Variants in DHX15 observed in about 807,000 individuals in gnomAD.
DHX15 encodes the protein ATP-dependent RNA helicase DHX15.
A neutral mutation model predicts 94.4 loss-of-function variants in DHX15; 11 were observed. That is an observed-to-expected ratio of 0.12 (90% CI 0.07 to 0.19). DHX15 has a LOEUF of 0.19. Ranked by LOEUF, DHX15 falls within the 10% of genes least tolerant of loss-of-function variation. DHX15 has a pLI of 1.00. For synonymous variants in DHX15, 338 were observed against 329.9 expected (o/e 1.02, Z -0.27); for missense variants, 304 against 988.5 (o/e 0.31, Z 9.29).
chr4:24,584,211 GAAAC>G, intron 1 of DHX15, 108 bp downstream of exon 1: 1 of 1,165,854 alleles, frequency 8.6e-7, no homozygotes. Context: ...AGCCCAGAGA[GAAAC>G]AAAGGCTCGG....
At chr4:24,560,012 C>G (rs1394539850) in intron 3 of DHX15, among the ~76,000 whole-genome samples, 1 of 152,046 alleles carries the variant, frequency 6.6e-6, no homozygotes, top group East Asian at 1.9e-4. Flanking sequence ...ATAAAATATA[C>G]CAAAAACCCC....
chr4:24,570,886 C>T (rs761695185), intron 2 of DHX15, 39 bp from the exon 3 acceptor site: 1 of 1,592,920 alleles, frequency 6.3e-7, no homozygotes, highest in Non-Finnish European at 8.6e-7. Context: ...TTCTATTCTG[C>T]CTGCATATCA....
At chr4:24,540,713 A>C in intron 9 of DHX15, 127 bp downstream of exon 9, 1 of 545,526 alleles carries the variant, frequency 1.8e-6, no homozygotes, top group East Asian at 3.1e-5. Context: ...GTAAGACTTA[A>C]TCTTGATGCA....
intron 1 of DHX15, among the ~76,000 whole-genome samples, chr4:24,583,508 T>G (rs1722517792): frequency 2.0e-5 from 3 of 150,560 alleles, no homozygotes. Context: ...TCCCTCCCCA[T>G]GGGACGATGT....
intron 3 of DHX15, among the ~76,000 whole-genome samples, chr4:24,568,702 A>G (rs1174243701): frequency 6.6e-6 from 1 of 152,224 alleles, no homozygotes; most frequent in African/African-American, 2.4e-5. Flanking sequence ...AAAAAATTCA[A>G]TGCAATGTGA....
chr4:24,544,764 A>G (rs954633805), intron 6 of DHX15, among the ~76,000 whole-genome samples: 4 of 152,214 alleles, frequency 2.6e-5, no homozygotes, highest in Non-Finnish European at 2.9e-5. Context: ...CTTAGTCTAC[A>G]TAACACAGGG....
At chr4:24,531,859 T>C (rs1721091685) in intron 12 of DHX15, among the ~76,000 whole-genome samples, 1 of 152,232 alleles carries the variant, frequency 6.6e-6, no homozygotes, top group Admixed American at 6.5e-5. Flanking sequence ...GCCTATTATA[T>C]AATAAGATGC....
chr4:24,544,211 CTT>C (rs1721376524), intron 6 of DHX15, among the ~76,000 whole-genome samples: 1 of 151,942 alleles, frequency 6.6e-6, no homozygotes. Context: ...TTTAAAAACA[CTT>C]AATTTTATAA....
At chr4:24,536,045 T>C (rs915568103) in intron 11 of DHX15, among the ~76,000 whole-genome samples, 1 of 151,984 alleles carries the variant, frequency 6.6e-6, no homozygotes, top group Non-Finnish European at 1.5e-5. Context: ...AATTTCTGTA[T>C]TTTTTTTCTC....
At chr4:24,561,908 A>T (rs1721880076) in intron 3 of DHX15, among the ~76,000 whole-genome samples, 1 of 152,126 alleles carries the variant, frequency 6.6e-6, no homozygotes, top group Non-Finnish European at 1.5e-5. Context: ...AAGCAGGTCA[A>T]TCACTTGAGG....
chr4:24,539,845 C>T, intron 10 of DHX15: 1 of 264,294 alleles, frequency 3.8e-6, no homozygotes, highest in Middle Eastern at 1.1e-3. Flanking sequence ...TCAGTTACAA[C>T]TGTGCTCAAA....
chr4:24,563,848 G>C (rs915410665), intron 3 of DHX15, among the ~76,000 whole-genome samples: 1 of 152,022 alleles, frequency 6.6e-6, no homozygotes, highest in Non-Finnish European at 1.5e-5. Flanking sequence ...GGTGGATCAC[G>C]AGGTCAGGAG....
In DHX15 at chr4:24,527,872, C is replaced by G; in HGVS notation, c.*52G>C. The G allele has an allele frequency of 7.4e-7, 1 of 1,346,726 alleles. No individual in the cohort carries two copies. Among genetic ancestry groups the G allele is most frequent in the Admixed American group, 1.7e-5 (1 of 58,948 alleles). 83.4% of individuals were successfully genotyped at this position (1,346,726 alleles called of 1,614,324 possible). A position where few individuals can be genotyped will look rare whatever the true frequency, so the allele number is the denominator to read the frequency against. ...AGAGCACAACTCGAACTTTTGAGTT[C>G]ATTCATCTTTTAAAGCTGTCCTCTC... is the stretch of plus-strand genomic sequence containing the variant. On this transcript the variant is annotated 3_prime_UTR_variant, in exon 14 of 14. Transcript: ENST00000336812.
chr4:24,574,416 T>TA (rs1323596553), intron 2 of DHX15, among the ~76,000 whole-genome samples: 5 of 152,074 alleles, frequency 3.3e-5, no homozygotes, highest in African/African-American at 9.7e-5. Context: ...CAATCCTCAG[T>TA]ATCCAAGTAT....
At chr4:24,541,002 C>A in intron 8 of DHX15, 54 bp from the exon 9 acceptor site, 9 of 1,170,938 alleles carry the variant, frequency 7.7e-6, no homozygotes, top group South Asian at 1.4e-5. Context: ...TCAGTCTCCT[C>A]GTTCCAGAAA....
intron 2 of DHX15, among the ~76,000 whole-genome samples, chr4:24,575,313 A>AT (rs2109011129): frequency 6.6e-6 from 1 of 152,306 alleles, no homozygotes; most frequent in African/African-American, 2.4e-5. Context: ...CAATCTCTGC[A>AT]TGGTAAGACA....
intron 3 of DHX15, among the ~76,000 whole-genome samples, chr4:24,566,263 TGGACTCAA>T (rs1721990298): frequency 5.3e-5 from 8 of 152,070 alleles, no homozygotes; most frequent in Non-Finnish European, 7.4e-5. Flanking sequence ...TTACCCACCC[TGGACTCAA>T]GTGATCCTCC....
intron 9 of DHX15, 116 bp downstream of exon 9, chr4:24,540,724 T>C (rs1220025988): frequency 8.6e-6 from 5 of 582,486 alleles, no homozygotes; most frequent in Admixed American, 6.9e-5. Context: ...TCTTGATGCA[T>C]ACTGGATGGA....
chr4:24,552,989 G>A (rs1024787505), intron 5 of DHX15, among the ~76,000 whole-genome samples: 1 of 152,176 alleles, frequency 6.6e-6, no homozygotes, highest in African/African-American at 2.4e-5. Context: ...ATACGCTTAT[G>A]TTATCTGAGA....
Sources: allele counts gnomAD v4.1 joint callset (sites outside exome capture counted in the v4.1 genomes callset), GRCh38; gene constraint gnomAD v4.1.1; transcripts MANE v1.5; gene names NCBI Gene and HGNC (gene_info 2026-07-23, HGNC 2026-07-21).